The following KIF13B variants were observed in gnomAD, a reference collection of about 807,000 sequenced individuals.
KIF13B encodes the protein kinesin family member 13B, also known as kinesin-like protein KIF13B.
Under a neutral mutation model 222.0 loss-of-function variants are expected in KIF13B, and 127 were observed. That is an observed-to-expected ratio of 0.57 (90% CI 0.50 to 0.66). KIF13B has a LOEUF of 0.66. KIF13B is among the 30% of genes least tolerant of loss of function. The pLI is 0.00. For synonymous variants in KIF13B, 976 were observed against 919.0 expected (o/e 1.06, Z -1.12); for missense variants, 2,173 against 2,379.0 (o/e 0.91, Z 1.80).
At chr8:29,165,906 C>CGATCTACAATCGATTGTA in intron 11 of KIF13B, 134 bp from the exon 12 acceptor site, 1 of 680,520 alleles carries the variant, frequency 1.5e-6, no homozygotes, top group Non-Finnish European at 2.5e-6. Context: ...ACATCTACTT[C>CGATCTACAATCGATTGTA]GATTGTAGAT....
chr8:29,217,357 C>G (rs1226535935), intron 2 of KIF13B, among the ~76,000 whole-genome samples: 1 of 152,224 alleles, frequency 6.6e-6, no homozygotes. Context: ...GGCTCAGGAA[C>G]TGAATTGCCT....
Position 29,109,518 on chromosome 8 carries a change from A to C in KIF13B, c.4084-7T>G. 1 of 1,612,034 alleles carries C rather than the reference A, an allele frequency of 6.2e-7. No homozygotes were observed. The highest frequency in any genetic ancestry group is 8.5e-7 in the Non-Finnish European group (1 of 1,178,102). On this transcript the variant is annotated splice_polypyrimidine_tract_variant and splice_region_variant and intron_variant, in intron 33 of 39. Coordinates refer to ENST00000524189, the MANE Select transcript of KIF13B (RefSeq NM_015254.4). ...GTTCCTTCACTGCAACTTCCTGTGAATCAGAAAACATACAGAGGAAAAAGA... is the reference window on the plus strand; with the variant it reads ...GTTCCTTCACTGCAACTTCCTGTGACTCAGAAAACATACAGAGGAAAAAGA...
At chr8:29,196,249 A>C (rs772795070) in intron 2 of KIF13B, 50 bp from the exon 3 acceptor site, 128 of 1,494,208 alleles carry the variant, frequency 8.6e-5, no homozygotes, top group Non-Finnish European at 1.1e-4. Flanking sequence ...AAAGTTAAAA[A>C]AAAAAAAAAA....
Position 29,183,968 on chromosome 8 carries a change from A to G in KIF13B, c.498-1962T>C, listed in dbSNP as rs1176689266. On this transcript the variant is annotated intron_variant, in intron 6 of 39. Coordinates refer to ENST00000524189, the MANE Select transcript of KIF13B (RefSeq NM_015254.4). ...GAATAACCCTTCATATAAACAGTAAAATCAGGGGATAAGGAAATGACTCTT... is the reference window on the plus strand; with the variant it reads ...GAATAACCCTTCATATAAACAGTAAGATCAGGGGATAAGGAAATGACTCTT... 4.6e-5 allele frequency among the ~76,000 whole-genome samples: 7 copies of G among 152,188 alleles called. No homozygotes were observed. The East Asian group carries it at 1.3e-3, about 29-fold the overall frequency.
intron 10 of KIF13B, 79 bp downstream of exon 10, chr8:29,175,989 G>A: frequency 1.3e-6 from 1 of 772,794 alleles, no homozygotes; most frequent in Non-Finnish European, 2.3e-6. Flanking sequence ...TACCTGGAAG[G>A]GATTAACAGT....
At chr8:29,130,495 A>G in intron 24 of KIF13B, 38 bp downstream of exon 24, 1 of 1,609,270 alleles carries the variant, frequency 6.2e-7, no homozygotes, top group Non-Finnish European at 8.5e-7. Flanking sequence ...GCTTTCTGGC[A>G]CCAAAGAATC....
At chr8:29,143,922 T>C (rs1306407368) in intron 18 of KIF13B, among the ~76,000 whole-genome samples, 1 of 151,960 alleles carries the variant, frequency 6.6e-6, no homozygotes, top group Non-Finnish European at 1.5e-5. Context: ...AAAAAAAGTA[T>C]GCTCTGAAGT....
At chr8:29,171,535 G>C (rs1812237127) in intron 10 of KIF13B, among the ~76,000 whole-genome samples, 1 of 152,012 alleles carries the variant, frequency 6.6e-6, no homozygotes, top group African/African-American at 2.4e-5. Flanking sequence ...GTCAAACTAG[G>C]ATCTGGGTGA....
intron 29 of KIF13B, among the ~76,000 whole-genome samples, chr8:29,121,084 T>C (rs978053357): frequency 2.0e-5 from 3 of 151,444 alleles, no homozygotes; most frequent in Non-Finnish European, 2.9e-5. Context: ...ATATTAGCCC[T>C]TTGTCAGATG....
intron 19 of KIF13B, 164 bp from the exon 20 acceptor site, chr8:29,140,781 C>T (rs745812340): frequency 5.1e-5 from 32 of 623,574 alleles, no homozygotes; most frequent in Middle Eastern, 4.4e-4. Context: ...TAAAGCACAG[C>T]GCTGTATTAC....
intron 35 of KIF13B, among the ~76,000 whole-genome samples, chr8:29,104,267 C>T (rs1438230449): frequency 4.6e-5 from 7 of 152,074 alleles, no homozygotes; most frequent in Admixed American, 2.0e-4. Flanking sequence ...TCATTTCCTC[C>T]CCAAGCCTGC....
At position 29,070,676 on chromosome 8, in the gene KIF13B, G is replaced by A; in HGVS notation, c.5309C>T (p.Ala1770Val). ...GCTGCGCCGCCGCACAGGGCCCGTG[G>A]CCCTGCGGACCCGGCTGGGCCTGAC... Reference protein sequence around the residue: ...LLVRPSRVRRATGPVRRRSTG... With the variant: ...LLVRPSRVRRVTGPVRRRSTG... Residue 1770 changes from alanine to valine, a missense_variant, in exon 40 of 40, where the codon GCC becomes GTC. Around this residue, in one of 2 missense-constraint regions of KIF13B, gnomAD observed 693 missense variants for 656.2 expected, o/e 1.06. Coordinates refer to ENST00000524189, the MANE Select transcript of KIF13B (RefSeq NM_015254.4). This position sits in a 1 kb window ranked among gnomAD's most constrained non-coding sequence, Gnocchi z 4.1. The A allele has an allele frequency of 6.4e-7, 1 of 1,561,874 alleles. No homozygotes were observed. Among genetic ancestry groups the A allele is most frequent in the Non-Finnish European group, 8.7e-7 (1 of 1,153,430 alleles).
intron 11 of KIF13B, among the ~76,000 whole-genome samples, chr8:29,166,781 T>C (rs1251908726): frequency 6.6e-6 from 1 of 151,952 alleles, no homozygotes; most frequent in Non-Finnish European, 1.5e-5. Context: ...CACTTGGGAT[T>C]GCAGGTCAGA....
At chr8:29,234,088 T>C (rs1815400954) in intron 2 of KIF13B, among the ~76,000 whole-genome samples, 1 of 152,148 alleles carries the variant, frequency 6.6e-6, no homozygotes, top group Non-Finnish European at 1.5e-5. Flanking sequence ...AAGAAAAAAC[T>C]GAGAACATGA....
At chr8:29,143,138 GCCA>G (rs1810895078) in intron 18 of KIF13B, among the ~76,000 whole-genome samples, 1 of 152,164 alleles carries the variant, frequency 6.6e-6, no homozygotes, top group Admixed American at 6.5e-5. Context: ...ATAGGCATGA[GCCA>G]CCACATTTAA....
intron 7 of KIF13B, among the ~76,000 whole-genome samples, chr8:29,181,370 A>C (rs1012392602): frequency 6.6e-6 from 1 of 152,206 alleles, no homozygotes; most frequent in African/African-American, 2.4e-5. Context: ...GAAAGCACCT[A>C]CCATAGGACA....
At chr8:29,210,352 C>T (rs947922505) in intron 2 of KIF13B, among the ~76,000 whole-genome samples, 1 of 152,206 alleles carries the variant, frequency 6.6e-6, no homozygotes, top group East Asian at 1.9e-4. Context: ...CTACAGACTT[C>T]ACCATTTCTA....
intron 10 of KIF13B, among the ~76,000 whole-genome samples, chr8:29,174,558 T>C (rs1586881782): frequency 6.6e-6 from 1 of 152,220 alleles, no homozygotes; most frequent in East Asian, 1.9e-4. Flanking sequence ...ATTGTCTTTA[T>C]GGTGGGCCAA....
intron 30 of KIF13B, 86 bp downstream of exon 30, chr8:29,118,782 A>T: frequency 2.2e-6 from 3 of 1,366,302 alleles, no homozygotes; most frequent in Non-Finnish European, 3.1e-6. Flanking sequence ...AAGTACTGGC[A>T]TGATTGCCTT....
Sources: allele counts gnomAD v4.1 joint callset (sites outside exome capture counted in the v4.1 genomes callset), GRCh38; gene constraint gnomAD v4.1.1; regional missense constraint gnomAD v4.1.1; non-coding constraint Gnocchi (gnomAD v3.1); transcripts MANE v1.5; gene names NCBI Gene and HGNC (gene_info 2026-07-23, HGNC 2026-07-21).